The following TUSC3 variants were observed in gnomAD, a reference collection of about 807,000 sequenced individuals.
TUSC3 encodes the protein tumor suppressor candidate 3.
In TUSC3, 45 loss-of-function variants were observed where a neutral mutation model predicts 44.8. The ratio of observed to expected loss-of-function variants is 1.00; its 90% CI spans 0.79 to 1.29. The LOEUF (loss-of-function observed/expected upper bound fraction) is 1.29, where lower values mean the gene tolerates loss of function less well. TUSC3 is among the 50% of genes most tolerant of loss of function. The pLI is 0.00. For missense variants in TUSC3, 519 were observed against 437.9 expected (o/e 1.19, Z -1.65); for synonymous variants, 212 against 152.9 (o/e 1.39, Z -2.85).
At chr8:15,733,262 G>C (rs542125557) in intron 7 of TUSC3, 2 of 297,842 alleles carry the variant, frequency 6.7e-6, no homozygotes, top group East Asian at 2.0e-4. Context: ...AGCAAAACAT[G>C]TTAACATTAA....
At chr8:15,826,317 T>C in the TUSC3 span, among the ~76,000 whole-genome samples, 1 of 152,196 alleles carries the variant, frequency 6.6e-6, no homozygotes, top group African/African-American at 2.4e-5. Context: ...ACTATAATCA[T>C]CCTTCATCTT....
intron 1 of TUSC3, among the ~76,000 whole-genome samples, chr8:15,569,350 C>A (rs572788972): frequency 6.6e-6 from 1 of 152,102 alleles, no homozygotes; most frequent in South Asian, 2.1e-4. Context: ...AATATATACT[C>A]CATAAATATA....
intron 1 of TUSC3, among the ~76,000 whole-genome samples, chr8:15,577,303 G>T (rs965896907): frequency 2.9e-4 from 44 of 151,664 alleles, no homozygotes; most frequent in African/African-American, 1.0e-3. Context: ...CTGTGCAGAA[G>T]CTCTTGAGTT....
chr8:15,426,223 G>C (rs73189454), intron 1 of TUSC3, among the ~76,000 whole-genome samples: 21,283 of 151,966 alleles, frequency 0.14, 1,595 homozygotes, highest in Middle Eastern at 0.21. Context: ...CCTTGTATTC[G>C]TTTGTTTTTG....
chr8:15,634,507 G>A (rs1205802412), intron 2 of TUSC3, among the ~76,000 whole-genome samples: 1 of 152,060 alleles, frequency 6.6e-6, no homozygotes. Flanking sequence ...TGAAAGCTGG[G>A]GTCTTCCATT....
chr8:15,444,367 A>G (rs1458999534), intron 1 of TUSC3, among the ~76,000 whole-genome samples: 1 of 152,176 alleles, frequency 6.6e-6, no homozygotes, highest in East Asian at 1.9e-4. Context: ...CTCAACTTCA[A>G]TACAAGGAAA....
intron 6 of TUSC3, among the ~76,000 whole-genome samples, chr8:15,714,340 T>A (rs1408565183): frequency 6.6e-6 from 1 of 152,164 alleles, no homozygotes. Context: ...CCCAATTTTG[T>A]TGAAGTTATT....
At chr8:15,526,849 A>G (rs1423940776) in intron 2 of TUSC3, among the ~76,000 whole-genome samples, 1 of 152,202 alleles carries the variant, frequency 6.6e-6, no homozygotes, top group Non-Finnish European at 1.5e-5. Context: ...GGTGGCTTTC[A>G]GAAAAACAGC....
At chr8:15,474,373 GATTAA>G (rs1406660963) in intron 1 of TUSC3, among the ~76,000 whole-genome samples, 4 of 152,196 alleles carry the variant, frequency 2.6e-5, no homozygotes, top group African/African-American at 7.2e-5. Flanking sequence ...AGGATTAAGA[GATTAA>G]ATTAAGACAG....
chr8:15,771,541 T>C (rs966179141), downstream of TUSC3, among the ~76,000 whole-genome samples: 5 of 152,132 alleles, frequency 3.3e-5, no homozygotes, highest in South Asian at 6.2e-4. Context: ...ATTTAAAAGA[T>C]TGCATAATAC....
chr8:15,457,858 ATCT>A (rs1800280130), intron 1 of TUSC3, among the ~76,000 whole-genome samples: 1 of 61,134 alleles, frequency 1.6e-5, no homozygotes, highest in African/African-American at 5.1e-5. Flanking sequence ...TCTAATAATT[ATCT>A]AATAAATTAA....
the TUSC3 span, among the ~76,000 whole-genome samples, chr8:15,804,108 C>A: frequency 4.6e-5 from 7 of 152,098 alleles, no homozygotes; most frequent in Admixed American, 3.9e-4. Flanking sequence ...GGTTCTAGAT[C>A]CTTCAGGAAT....
At chr8:15,757,705 C>T in intron 9 of TUSC3, 86 bp from the exon 10 acceptor site, 3 of 1,452,358 alleles carry the variant, frequency 2.1e-6, no homozygotes, top group Non-Finnish European at 2.9e-6. Flanking sequence ...AGTGCTAAAT[C>T]TTGTAATAAT....
intron 2 of TUSC3, among the ~76,000 whole-genome samples, chr8:15,489,840 G>T (rs1243339156): frequency 1.3e-5 from 2 of 152,286 alleles, no homozygotes; most frequent in South Asian, 2.1e-4. Context: ...AACAGATGGG[G>T]TCCATTCAGT....
the TUSC3 span, among the ~76,000 whole-genome samples, chr8:15,844,801 T>A: frequency 6.6e-6 from 1 of 152,216 alleles, no homozygotes; most frequent in South Asian, 2.1e-4. Context: ...TGATACTGCC[T>A]CCGATATTTT....
intron 6 of TUSC3, among the ~76,000 whole-genome samples, chr8:15,699,876 A>G (rs1809322490): frequency 6.6e-6 from 1 of 152,202 alleles, no homozygotes; most frequent in Admixed American, 6.5e-5. Context: ...GTGCTATAGA[A>G]GGAAGAATTA....
At chr8:15,445,385 T>A (rs570700737) in intron 1 of TUSC3, among the ~76,000 whole-genome samples, 1 of 152,178 alleles carries the variant, frequency 6.6e-6, no homozygotes, top group Non-Finnish European at 1.5e-5. Context: ...GGCAGGGTCA[T>A]AGGACAATAG....
intron 2 of TUSC3, among the ~76,000 whole-genome samples, chr8:15,486,108 A>C (rs929128179): frequency 6.6e-6 from 1 of 152,144 alleles, no homozygotes; most frequent in Non-Finnish European, 1.5e-5. Context: ...TGTTGTCTTT[A>C]AGTGAATTGA....
At chr8:15,538,949 T>C (rs1801579726), upstream of TUSC3, among the ~76,000 whole-genome samples, 1 of 151,518 alleles carries the variant, frequency 6.6e-6, no homozygotes, top group African/African-American at 2.4e-5. Flanking sequence ...TCCTGGGCTC[T>C]AGTGATCCTT....
Sources: gnomAD v4.1 joint callset for allele counts (sites outside exome capture counted in the v4.1 genomes callset) on GRCh38, gnomAD v4.1.1 for gene constraint, MANE v1.5 for transcripts, NCBI Gene and HGNC (gene_info 2026-07-23, HGNC 2026-07-21) for gene names.